The following LILRB1 variants were observed in gnomAD, a reference collection of about 807,000 sequenced individuals.
The protein encoded by LILRB1 is leukocyte immunoglobulin-like receptor subfamily B member 1.
Under a neutral mutation model 74.6 loss-of-function variants are expected in LILRB1, and 59 were observed. The observed-to-expected ratio is 0.79, with a 90% CI of 0.64 to 0.98. LILRB1 has a LOEUF of 0.98. Ranked by LOEUF, LILRB1 falls within the 50% of genes least tolerant of loss-of-function variation. The pLI, the probability that LILRB1 is intolerant of heterozygous loss-of-function variation, is 0.00. For missense variants in LILRB1, 804 were observed against 822.6 expected (o/e 0.98, Z 0.28); for synonymous variants, 328 against 333.9 (o/e 0.98, Z 0.19).
rs754534862 is a variant in LILRB1 at position 54,631,064 on chromosome 19, AG to A, written c.-8del. On this transcript the variant is annotated 5_prime_UTR_variant, in exon 2 of 15. Transcript: ENST00000324602. ...TCCATCCACAGAGCAGGGCAGTGGG[AG>A]GAGACGCCATGACCCCCATCCTCAC... 6.2e-7 allele frequency: 1 copy of A among 1,614,060 alleles called. No individual in the cohort carries two copies. The highest frequency in any genetic ancestry group is 1.3e-5 in the African/African-American group (1 of 74,932).
In LILRB1 at chr19:54,636,993, G is replaced by A; in HGVS notation, c.*115G>A. 1 of 1,330,074 alleles carries A rather than the reference G, an allele frequency of 7.5e-7. No individual in the cohort carries two copies. The highest frequency in any genetic ancestry group is 1.0e-6 in the Non-Finnish European group (1 of 962,404). 82.4% of individuals were successfully genotyped at this position (1,330,074 alleles called of 1,614,324 possible). ...CTGGATCTACCCCAGGAGACTCTGG[G>A]AACTTTTAGGGGTCACTCAATTCTG... is the stretch of plus-strand genomic sequence containing the variant. On this transcript the variant is annotated 3_prime_UTR_variant, in exon 15 of 15. Transcript: ENST00000324602.
At chr19:54,628,123 C>A (rs533555854), upstream of LILRB1, among the ~76,000 whole-genome samples, 2 of 152,090 alleles carry the variant, frequency 1.3e-5, no homozygotes, top group African/African-American at 4.8e-5. Flanking sequence ...CTTAGAACTT[C>A]TGAAAAGAGG....
chr19:54,633,466 G>A (rs1025908394), intron 7 of LILRB1, 148 bp downstream of exon 7: 9 of 1,290,686 alleles, frequency 7.0e-6, no homozygotes, highest in Non-Finnish European at 9.5e-6. Flanking sequence ...GAGGAGAACA[G>A]GGCCCTCCCA....
chr19:54,632,092 C>G lies in LILRB1; in HGVS notation c.516C>G (p.Pro172=). ...DEHPQCLNSQ[P]HARGSSRAIF... Reference sequence around the variant, plus strand: ...ACCCACAATGCCTGAACTCCCAGCCCCATGCCCGTGGGTCGTCCCGCGCCA... The same window carrying G: ...ACCCACAATGCCTGAACTCCCAGCCGCATGCCCGTGGGTCGTCCCGCGCCA... The change falls in exon 5 of 15, where the codon CCC becomes CCG. Residue 172 remains proline, a synonymous_variant. Coordinates refer to ENST00000324602, the MANE Select transcript of LILRB1 (RefSeq NM_001081637.3). 6.2e-7 allele frequency: 1 copy of G among 1,614,240 alleles called. No individual in the cohort carries two copies. The highest frequency in any genetic ancestry group is 8.5e-7 in the Non-Finnish European group (1 of 1,180,012).
chr19:54,633,723 C>A, intron 8 of LILRB1, 35 bp downstream of exon 8: 2 of 1,597,792 alleles, frequency 1.3e-6, no homozygotes, highest in Non-Finnish European at 1.7e-6. Flanking sequence ...CAAGGGAGTG[C>A]GGCCTCCCCC....
chr19:54,623,964 A>G (rs8112828), intron 1 of LILRB1, among the ~76,000 whole-genome samples: 54 of 152,238 alleles, frequency 3.5e-4, no homozygotes, highest in African/African-American at 1.2e-3. Context: ...GTGCAGCTCA[A>G]ATTGCAGGCC....
intron 1 of LILRB1, among the ~76,000 whole-genome samples, chr19:54,622,580 T>G (rs576022409): frequency 6.6e-6 from 1 of 152,340 alleles, no homozygotes; most frequent in African/African-American, 2.4e-5. Flanking sequence ...GGAAGAATCT[T>G]CAGGGTTTTC....
Position 54,636,536 on chromosome 19 carries a change from G to C in LILRB1, c.1696G>C (p.Glu566Gln), listed in dbSNP as rs41308744. 882 of 1,607,532 alleles carry C rather than the reference G, an allele frequency of 5.5e-4. 2 individuals carry two copies. In the East Asian group the frequency reaches 7.5e-3, roughly 14 times the overall value. Residue 566 changes from glutamate (E) to glutamine (Q), a missense_variant, in exon 14 of 15, where the codon GAG (glutamate) becomes CAG (glutamine). Transcript: ENST00000324602. ...AGACCCCCAGGCAGTGACGTATGCCGAGGTGAAACACTCCAGACCTAGGAG... is the reference window on the plus strand; with the variant it reads ...AGACCCCCAGGCAGTGACGTATGCCCAGGTGAAACACTCCAGACCTAGGAG... ...DEDPQAVTYA[E>Q]VKHSRPRREM... is the part of the protein sequence containing the mutation.
chr19:54,627,785 G>A (rs60962270), upstream of LILRB1, among the ~76,000 whole-genome samples: 1 of 152,156 alleles, frequency 6.6e-6, no homozygotes, highest in Non-Finnish European at 1.5e-5. Context: ...TCACACCACA[G>A]GAATCATCCT....
At chr19:54,628,999 G>A (rs369252292), upstream of LILRB1, among the ~76,000 whole-genome samples, 16 of 152,278 alleles carry the variant, frequency 1.1e-4, no homozygotes, top group East Asian at 5.8e-4. Context: ...TTCCCTCTCC[G>A]GACACACTGT....
rs539125431 is a variant in LILRB1 at position 54,632,948 on chromosome 19, G to A, written c.959-68G>A. On this transcript the variant is annotated intron_variant, in intron 6 of 14. Coordinates refer to ENST00000324602, the MANE Select transcript of LILRB1 (RefSeq NM_001081637.3). Reference sequence around the variant, plus strand: ...GACAGAGACACTGAGGGTCCCAGAGGGAGACCTGGGGAGGTGTCAGCTCAG... The same window carrying A: ...GACAGAGACACTGAGGGTCCCAGAGAGAGACCTGGGGAGGTGTCAGCTCAG... The A allele has an allele frequency of 7.4e-4, 1,154 of 1,549,182 alleles. 6 individuals are homozygous for A. The South Asian group carries it at 7.5e-3, about 10-fold the overall frequency.
In LILRB1 at chr19:54,632,454, CT is replaced by C; in HGVS notation, c.662-6del. 2 of 1,592,226 alleles carry C rather than the reference CT, an allele frequency of 1.3e-6. No homozygotes were observed. The highest frequency in any genetic ancestry group is 1.7e-6 in the Non-Finnish European group (2 of 1,167,096). On this transcript the variant is annotated splice_polypyrimidine_tract_variant and intron_variant, in intron 5 of 14. Transcript: ENST00000324602. ...GTCGGCTCCTGGAAACCATGACCAC[CT>C]TTTCCCAGGTGTTTCTAAGAAGCCA...
At position 54,633,267 on chromosome 19, in the gene LILRB1, A is replaced by G. The variant is rs370519288; in HGVS notation, c.1210A>G (p.Lys404Glu). Reference sequence around the variant, plus strand: ...CAGGTGCTACGGCTCACAGAGCTCCAAACCCTACCTGCTGACTCACCCCAG... The same window carrying G: ...CAGGTGCTACGGCTCACAGAGCTCCGAACCCTACCTGCTGACTCACCCCAG... ...TYRCYGSQSS[K>E]PYLLTHPSDP... Residue 404 changes from lysine (K) to glutamate (E), a missense_variant, in exon 7 of 15, where the codon AAA becomes GAA. Transcript: ENST00000324602. The G allele has an allele frequency of 1.0e-4, 162 of 1,613,896 alleles. No individual in the cohort carries two copies. In the South Asian group the frequency reaches 1.0e-3, roughly 10 times the overall value.
At chr19:54,621,096 A>C (rs1470521524) in intron 1 of LILRB1, among the ~76,000 whole-genome samples, 2 of 151,848 alleles carry the variant, frequency 1.3e-5, no homozygotes, top group African/African-American at 4.8e-5. Context: ...CTGGTCTCAC[A>C]CTCCCAACCT....
chr19:54,628,817 G>C (rs1350294696), upstream of LILRB1, among the ~76,000 whole-genome samples: 2 of 152,200 alleles, frequency 1.3e-5, no homozygotes, highest in African/African-American at 2.4e-5. Flanking sequence ...CCATCAGAAA[G>C]GCAGGGACAT....
chr19:54,631,126 G>T lies in LILRB1; in HGVS notation c.34+19G>T. ...TGTCTCGGTGAGATTTGAAGAAGGA[G>T]GGGAGCTTCTAACCTAAGAGGGACC... On this transcript the variant is annotated intron_variant, in intron 2 of 14. Transcript: ENST00000324602. 1 of 956,616 alleles carries T rather than the reference G, an allele frequency of 1.0e-6. No individual in the cohort carries two copies. The highest frequency in any genetic ancestry group is 2.9e-5 in the South Asian group (1 of 34,554). 59.3% of individuals were successfully genotyped at this position (956,616 alleles called of 1,614,324 possible).
chr19:54,632,495 G>A lies in LILRB1; in HGVS notation c.693G>A (p.Gln231=), dbSNP rs371418882. The A allele has an allele frequency of 3.0e-5, 49 of 1,613,260 alleles. No individual in the cohort carries two copies. The highest frequency in any genetic ancestry group is 4.2e-5 in the Non-Finnish European group (49 of 1,179,500). Residue 231 remains glutamine (Q), a synonymous_variant, in exon 6 of 15, where the codon CAG becomes CAA. Transcript: ENST00000324602. ...CTAAGAAGCCATCACTCTCAGTGCAGCCAGGTCCTATCGTGGCCCCTGAGG... is the reference window on the plus strand; with the variant it reads ...CTAAGAAGCCATCACTCTCAGTGCAACCAGGTCCTATCGTGGCCCCTGAGG... ...GVSKKPSLSV[Q]PGPIVAPEET...
intron 1 of LILRB1, among the ~76,000 whole-genome samples, chr19:54,617,589 G>GT (rs58534340): frequency 0.04 from 5,073 of 127,360 alleles, 101 homozygotes; most frequent in South Asian, 0.064. Context: ...GTGTGTGTGT[G>GT]GTGTGTGTGT....
intron 4 of LILRB1, 22 bp downstream of exon 4, chr19:54,631,809 C>T (rs1411941512): frequency 6.2e-7 from 1 of 1,612,174 alleles, no homozygotes. Context: ...CTCAGGGGTC[C>T]CAGCCCCAGA....
Sources: gnomAD v4.1 joint callset for allele counts (sites outside exome capture counted in the v4.1 genomes callset) on GRCh38, gnomAD v4.1.1 for gene constraint, MANE v1.5 for transcripts, NCBI Gene and HGNC (gene_info 2026-07-23, HGNC 2026-07-21) for gene names.